Variants in APOBEC3D observed in about 807,000 individuals in gnomAD.
APOBEC3D encodes apolipoprotein B mRNA editing enzyme catalytic subunit 3D.
APOBEC3D carries 37 observed loss-of-function variants against 45.6 expected under a neutral mutation model. The observed-to-expected ratio is 0.81, with a 90% CI of 0.62 to 1.07. The LOEUF (loss-of-function observed/expected upper bound fraction) is 1.07. Ranked by LOEUF, APOBEC3D falls within the 50% of genes least tolerant of loss-of-function variation. APOBEC3D has a pLI of 0.00. For missense variants in APOBEC3D, 496 were observed against 495.3 expected, an observed-to-expected ratio of 1.00 and a Z score of -0.01; for synonymous variants, 175 against 180.7, an observed-to-expected ratio of 0.97 and a Z score of 0.25.
chr22:39,030,171 A>G (rs1926070972), intron 5 of APOBEC3D, among the ~76,000 whole-genome samples: 1 of 149,604 alleles, frequency 6.7e-6, no homozygotes, highest in African/African-American at 2.5e-5. Flanking sequence ...CGCCCCCGCC[A>G]CTGCCCTGAT....
rs1926331996 is a variant in APOBEC3D at position 39,032,576 on chromosome 22, A to AGCATAACC, written c.*261_*268dup. The AGCATAACC allele has an allele frequency of 9.2e-7, 1 of 1,084,906 alleles. No individual in the cohort carries two copies. Among genetic ancestry groups the AGCATAACC allele is most frequent in the African/African-American group, 1.8e-5 (1 of 56,428 alleles). 67.2% of individuals were successfully genotyped at this position (1,084,906 alleles called of 1,614,324 possible). On this transcript the variant is annotated 3_prime_UTR_variant, in exon 7 of 7. Coordinates refer to ENST00000216099, the MANE Select transcript of APOBEC3D (RefSeq NM_152426.4). ...CTAACTTGACTCTTCCCATCTCCCC[A>AGCATAACC]GCATAACCAAATCTTTTTTTTTTTT...
intron 1 of APOBEC3D, 70 bp from the exon 2 acceptor site, chr22:39,022,752 C>T: frequency 1.3e-6 from 2 of 1,539,870 alleles, no homozygotes; most frequent in South Asian, 1.3e-5. Flanking sequence ...GAGCTGTGTT[C>T]AGTGGACATG....
intron 5 of APOBEC3D, 123 bp downstream of exon 5, chr22:39,029,642 T>TC: frequency 3.1e-6 from 1 of 322,368 alleles, no homozygotes; most frequent in Non-Finnish European, 3.9e-6. Context: ...CATTTCTTTC[T>TC]TTTTTTTTTT....
Position 39,021,538 on chromosome 22 carries a change from T to A in APOBEC3D, c.17+2T>A, listed in dbSNP as rs1306862648. On this transcript the variant is annotated splice_donor_variant, in intron 1 of 6. Transcript: ENST00000216099. LOFTEE classifies it high-confidence loss of function. Reference sequence around the variant, plus strand: ...GCTGAACATGAATCCACAGATCAGGTACCGCTGCCCACTATGTCCGCAGGG... The same window carrying A: ...GCTGAACATGAATCCACAGATCAGGAACCGCTGCCCACTATGTCCGCAGGG... 5 of 1,613,842 alleles carry A rather than the reference T, an allele frequency of 3.1e-6. No homozygotes were observed. The highest frequency in any genetic ancestry group is 3.4e-6 in the Non-Finnish European group (4 of 1,180,022).
intron 4 of APOBEC3D, among the ~76,000 whole-genome samples, chr22:39,026,862 T>G (rs1925723678): frequency 6.6e-6 from 1 of 152,022 alleles, no homozygotes; most frequent in Admixed American, 6.6e-5. Flanking sequence ...AGCAATTCCC[T>G]TGTCTCAGCC....
Position 39,032,724 on chromosome 22 carries a change from C to G in APOBEC3D, c.*408C>G. The G allele has an allele frequency of 2.2e-6, 1 of 462,948 alleles. No individual in the cohort carries two copies. Among genetic ancestry groups the G allele is most frequent in the Non-Finnish European group, 2.8e-6 (1 of 354,914 alleles). The allele number at this position is 462,948 out of a possible 1,614,324, so 28.7% of individuals were successfully genotyped here. A position where few individuals can be genotyped will look rare whatever the true frequency, so the allele number is the denominator to read the frequency against. On this transcript the variant is annotated 3_prime_UTR_variant, in exon 7 of 7. Coordinates refer to ENST00000216099, the MANE Select transcript of APOBEC3D (RefSeq NM_152426.4). ...TTCTCCTGTCTCAGCTTCTGAGTAG[C>G]TGGGATTACAGATGCCTGCCACCAC...
At chr22:39,030,853 TAAAG>T (rs750876624) in intron 5 of APOBEC3D, among the ~76,000 whole-genome samples, 2 of 152,014 alleles carry the variant, frequency 1.3e-5, no homozygotes, top group Admixed American at 1.3e-4. Context: ...CTCAATAAAA[TAAAG>T]AAGGAAGGGG....
chr22:39,031,825 G>C lies in APOBEC3D; in HGVS notation c.894G>C (p.Gly298=), dbSNP rs777115221. ...TSWSPCPECA[G]EVAEFLARHS... ...GGAGCCCTTGCCCAGAGTGTGCAGG[G>C]GAGGTGGCCGAGTTCCTGGCCAGGC... is the stretch of plus-strand genomic sequence containing the variant. The change falls in exon 6 of 7, where the codon GGG becomes GGC. Residue 298 remains glycine, a synonymous_variant. Transcript: ENST00000216099. The C allele has an allele frequency of 1.9e-6, 3 of 1,614,032 alleles. No individual in the cohort carries two copies. Among genetic ancestry groups the C allele is most frequent in the Non-Finnish European group, 2.5e-6 (3 of 1,180,038 alleles).
intron 5 of APOBEC3D, among the ~76,000 whole-genome samples, chr22:39,030,758 A>AGG (rs1362688830): frequency 6.6e-6 from 1 of 152,272 alleles, no homozygotes; most frequent in Non-Finnish European, 1.5e-5. Flanking sequence ...AGGCCACAGC[A>AGG]GGGGCTGAGG....
chr22:39,025,394 C>A (rs772290561), intron 3 of APOBEC3D, 45 bp downstream of exon 3: 2 of 1,612,232 alleles, frequency 1.2e-6, no homozygotes, highest in South Asian at 1.1e-5. Flanking sequence ...GAGGAACAGC[C>A]TCAGAGATGG....
At chr22:39,022,011 C>T (rs1471604859) in intron 1 of APOBEC3D, among the ~76,000 whole-genome samples, 1 of 152,182 alleles carries the variant, frequency 6.6e-6, no homozygotes, top group Non-Finnish European at 1.5e-5. Flanking sequence ...CAAGATAAAT[C>T]ACATCGTCCA....
chr22:39,028,653 G>A (rs1459078289), intron 4 of APOBEC3D, among the ~76,000 whole-genome samples: 1 of 152,148 alleles, frequency 6.6e-6, no homozygotes, highest in African/African-American at 2.4e-5. Context: ...ACAAAAATTA[G>A]GGCCAGGCGC....
intron 4 of APOBEC3D, among the ~76,000 whole-genome samples, chr22:39,028,665 G>A (rs1233783605): frequency 1.3e-5 from 2 of 152,224 alleles, no homozygotes; most frequent in Non-Finnish European, 2.9e-5. Flanking sequence ...GCCAGGCGCG[G>A]TGGCTCACAC....
chr22:39,029,459 C>T lies in APOBEC3D; in HGVS notation c.702C>T (p.Thr234=). 1 of 1,614,160 alleles carries T rather than the reference C, an allele frequency of 6.2e-7. No homozygotes were observed. Among genetic ancestry groups the T allele is most frequent in the African/African-American group, 1.3e-5 (1 of 75,030 alleles). The change falls in exon 5 of 7, where the codon ACC becomes ACT. Residue 234 remains threonine, a synonymous_variant. Transcript: ENST00000216099. ...CGRNESWLCF[T]MEVTKHHSAV... is the part of the protein sequence containing the mutation. ...GGAACGAAAGCTGGCTGTGCTTCAC[C>T]ATGGAAGTTACAAAGCACCACTCAG...
rs1926268137 is a variant in APOBEC3D at position 39,031,990 on chromosome 22, TGAG to T, written c.1042+21_1042+23del. On this transcript the variant is annotated intron_variant, in intron 6 of 6. Coordinates refer to ENST00000216099, the MANE Select transcript of APOBEC3D (RefSeq NM_152426.4). ...GCTACAAAGGTGAGACGTGGGGGGC[TGAG>T]GAGAGTGGGTGCGGGAGGGACAGCA... 2 of 1,613,328 alleles carry T rather than the reference TGAG, an allele frequency of 1.2e-6. No individual in the cohort carries two copies. The highest frequency in any genetic ancestry group is 2.2e-5 in the South Asian group (2 of 91,070).
chr22:39,022,526 T>A (rs952121045), intron 1 of APOBEC3D, among the ~76,000 whole-genome samples: 2 of 152,210 alleles, frequency 1.3e-5, no homozygotes, highest in African/African-American at 4.8e-5. Context: ...CTCTTTTGCA[T>A]TTTCCTAATG....
intron 5 of APOBEC3D, 82 bp from the exon 6 acceptor site, chr22:39,031,612 C>G (rs901729282): frequency 4.5e-6 from 7 of 1,560,582 alleles, no homozygotes; most frequent in Non-Finnish European, 6.1e-6. Flanking sequence ...TCAGGCCTGC[C>G]CTCTTCTCCC....
At chr22:39,022,721 G>T in intron 1 of APOBEC3D, 101 bp from the exon 2 acceptor site, 1 of 1,453,108 alleles carries the variant, frequency 6.9e-7, no homozygotes, top group Non-Finnish European at 9.2e-7. Context: ...GAGGGGTGGG[G>T]GAGGCCCAGG....
At chr22:39,025,973 C>T (rs1292230092) in intron 4 of APOBEC3D, among the ~76,000 whole-genome samples, 1 of 152,296 alleles carries the variant, frequency 6.6e-6, no homozygotes, top group East Asian at 1.9e-4. Context: ...CCTGGCATAA[C>T]CGAATTTGTC....
Sources: gnomAD v4.1 joint callset for allele counts (sites outside exome capture counted in the v4.1 genomes callset) on GRCh38, gnomAD v4.1.1 for gene constraint, MANE v1.5 for transcripts, NCBI Gene and HGNC (gene_info 2026-07-23, HGNC 2026-07-21) for gene names.